DOCK2: variants seen among roughly 807,000 people sequenced by gnomAD.
DOCK2 encodes the protein dedicator of cytokinesis protein 2.
DOCK2 carries 87 observed loss-of-function variants against 248.9 expected under a neutral mutation model. The observed-to-expected ratio is 0.35, with a 90% CI of 0.29 to 0.42. The LOEUF (loss-of-function observed/expected upper bound fraction) is 0.42, where lower values mean the gene tolerates loss of function less well. Ranked by LOEUF, DOCK2 falls within the 10% of genes least tolerant of loss-of-function variation. The pLI is 1.00. For synonymous variants in DOCK2, 805 were observed against 821.6 expected (o/e 0.98, Z 0.35); for missense variants, 1,747 against 2,300.2 (o/e 0.76, Z 4.92).
intron 29 of DOCK2, among the ~76,000 whole-genome samples, chr5:169,987,258 G>A (rs1231310946): frequency 6.6e-6 from 1 of 152,194 alleles, no homozygotes; most frequent in African/African-American, 2.4e-5. Flanking sequence ...AAAAAATCCT[G>A]AGGCCACTCT....
chr5:170,032,027 CTTTTTT>C (rs11362267), intron 34 of DOCK2, among the ~76,000 whole-genome samples: 1 of 142,118 alleles, frequency 7.0e-6, no homozygotes. Context: ...ACCAGTTGTT[CTTTTTT>C]TTTTTTTTTT....
At chr5:169,810,981 TCTCTCTCTCACACACACA>T (rs1383656860) in intron 26 of DOCK2, among the ~76,000 whole-genome samples, 62 of 142,034 alleles carry the variant, frequency 4.4e-4, no homozygotes, top group Non-Finnish European at 2.4e-4. Context: ...ACTCTCTCTC[TCTCTCTCTCACACACACA>T]CACACACACA....
chr5:169,940,049 T>G (rs1191929935), intron 27 of DOCK2, among the ~76,000 whole-genome samples: 1 of 152,216 alleles, frequency 6.6e-6, no homozygotes, highest in Non-Finnish European at 1.5e-5. Flanking sequence ...GTTTTCTCAC[T>G]GTGTCATCTA....
chr5:169,720,324 A>G (rs1363677783), intron 22 of DOCK2, among the ~76,000 whole-genome samples: 1 of 152,188 alleles, frequency 6.6e-6, no homozygotes, highest in African/African-American at 2.4e-5. Context: ...CCCATCTTCC[A>G]AGTGAGAATG....
At chr5:169,762,127 A>C (rs536326274) in intron 25 of DOCK2, among the ~76,000 whole-genome samples, 1 of 152,340 alleles carries the variant, frequency 6.6e-6, no homozygotes, top group Non-Finnish European at 1.5e-5. Flanking sequence ...ACATGGATGA[A>C]AATGAAAAGG....
At chr5:169,895,241 A>T (rs1172284305) in intron 27 of DOCK2, among the ~76,000 whole-genome samples, 1 of 152,138 alleles carries the variant, frequency 6.6e-6, no homozygotes, top group East Asian at 1.9e-4. Flanking sequence ...TAAAAGCTCA[A>T]GTTTAAATGT....
chr5:170,048,876 C>G (rs761064298), intron 40 of DOCK2, among the ~76,000 whole-genome samples: 1 of 152,160 alleles, frequency 6.6e-6, no homozygotes, highest in Non-Finnish European at 1.5e-5. Context: ...GAGGGAAATA[C>G]AAAAGAAATG....
chr5:169,648,918 A>G (rs551408458), intron 1 of DOCK2, among the ~76,000 whole-genome samples: 25 of 152,192 alleles, frequency 1.6e-4, no homozygotes, highest in Non-Finnish European at 3.1e-4. Context: ...GCTGCTGACT[A>G]GCGCCCGCCC....
At position 170,054,987 on chromosome 5, in the gene DOCK2, T is replaced by C. The variant is rs541781227; in HGVS notation, c.4214-318T>C. ...GATCATGGGAAGATGTACTCTGCAA[T>C]TGATTTGAGAGCTATAAATTCATTC... On this transcript the variant is annotated intron_variant, in intron 41 of 51. Coordinates refer to ENST00000520908, the MANE Select transcript of DOCK2 (RefSeq NM_004946.3). Among the ~76,000 whole-genome samples, 4 of 152,298 alleles carry C rather than the reference T, an allele frequency of 2.6e-5. No individual in the cohort carries two copies. The South Asian group carries it at 8.3e-4, about 32-fold the overall frequency.
chr5:169,924,339 C>G (rs1334939411), intron 27 of DOCK2, among the ~76,000 whole-genome samples: 2 of 152,216 alleles, frequency 1.3e-5, no homozygotes, highest in Non-Finnish European at 2.9e-5. Flanking sequence ...TACTCTTTCC[C>G]TGTCACCTTT....
chr5:169,698,314 G>C, intron 10 of DOCK2, 60 bp from the exon 11 acceptor site: 2 of 1,569,904 alleles, frequency 1.3e-6, no homozygotes, highest in South Asian at 1.1e-5. Context: ...TCATCCCACT[G>C]TCATCCCTTA....
At chr5:170,081,776 A>T (rs1581582365) in intron 50 of DOCK2, 66 bp from the exon 51 acceptor site, 56 of 1,041,880 alleles carry the variant, frequency 5.4e-5, no homozygotes, top group South Asian at 4.9e-4. Context: ...CCCCCTGTCT[A>T]CCTCCCCCAA....
At position 170,067,760 on chromosome 5, in the gene DOCK2, T is replaced by C. The variant is rs115665025; in HGVS notation, c.4644+74T>C. On this transcript the variant is annotated intron_variant, in intron 45 of 51. Transcript: ENST00000520908. ...GTGGTGGGAGGACCCAGGGGGCAGA[T>C]GCAGGTACATGTCACTTATCCTACT... 1,806 of 1,506,918 alleles carry C rather than the reference T, an allele frequency of 1.2e-3. 22 individuals carry two copies. In the African/African-American group the frequency reaches 0.021, roughly 18 times the overall value. The allele number at this position is 1,506,918 out of a possible 1,614,324, so 93.3% of individuals were successfully genotyped here. A position where few individuals can be genotyped will look rare whatever the true frequency, so the allele number is the denominator to read the frequency against.
intron 27 of DOCK2, among the ~76,000 whole-genome samples, chr5:169,973,969 A>G (rs1777618349): frequency 6.6e-6 from 1 of 152,198 alleles, no homozygotes; most frequent in South Asian, 2.1e-4. Context: ...GTTTCCTAAT[A>G]TTCAAGGTTA....
At position 169,654,927 on chromosome 5, in the gene DOCK2, C is replaced by A. The variant is rs930871136; in HGVS notation, c.127+441C>A. On this transcript the variant is annotated intron_variant, in intron 2 of 51. Coordinates refer to ENST00000520908, the MANE Select transcript of DOCK2 (RefSeq NM_004946.3). The stretch of plus-strand genomic sequence containing the variant: ...CAGCCCAGGGAGCAGGAGCTCACTC[C>A]CCTCCCCAAGCTGGGAGCCCTGTCT... Among the ~76,000 whole-genome samples the A allele has an allele frequency of 2.6e-5, 4 of 152,336 alleles. No individual in the cohort carries two copies. In the South Asian group the frequency reaches 8.3e-4, roughly 32 times the overall value.
intron 26 of DOCK2, among the ~76,000 whole-genome samples, chr5:169,804,316 A>G (rs957579582): frequency 6.6e-6 from 1 of 152,186 alleles, no homozygotes; most frequent in Non-Finnish European, 1.5e-5. Flanking sequence ...TCATTCATTC[A>G]TGCAGAAATA....
intron 37 of DOCK2, among the ~76,000 whole-genome samples, chr5:170,041,650 A>T (rs974104167): frequency 6.6e-6 from 1 of 152,232 alleles, no homozygotes; most frequent in Non-Finnish European, 1.5e-5. Context: ...TCTCTGACTG[A>T]CACTGGCACC....
intron 8 of DOCK2, among the ~76,000 whole-genome samples, chr5:169,686,137 C>T (rs1177025543): frequency 2.0e-5 from 3 of 152,148 alleles, no homozygotes; most frequent in Non-Finnish European, 2.9e-5. Flanking sequence ...GGCAGGGGCC[C>T]CTTGCTGTTC....
chr5:169,902,325 G>A (rs1773973986), intron 27 of DOCK2, among the ~76,000 whole-genome samples: 1 of 152,204 alleles, frequency 6.6e-6, no homozygotes, highest in Admixed American at 6.5e-5. Context: ...TTAAGGCTGT[G>A]CTATTTTATA....
Sources: allele counts gnomAD v4.1 joint callset (sites outside exome capture counted in the v4.1 genomes callset), GRCh38; gene constraint gnomAD v4.1.1; transcripts MANE v1.5; gene names NCBI Gene and HGNC (gene_info 2026-07-23, HGNC 2026-07-21).